Variants in NSUN6 observed in about 807,000 individuals in gnomAD.
NSUN6 encodes the protein NOP2/Sun RNA methyltransferase 6.
NSUN6 carries 64 observed loss-of-function variants against 58.0 expected under a neutral mutation model. That is an observed-to-expected ratio of 1.10 (90% CI 0.90 to 1.36). NSUN6 has a LOEUF of 1.36. Among genes scored for constraint, NSUN6 ranks in the 40% most tolerant of loss-of-function variants. The pLI, the probability that NSUN6 is intolerant of heterozygous loss-of-function variation, is 0.00. For missense variants in NSUN6, 701 were observed against 550.1 expected, an observed-to-expected ratio of 1.27 and a Z score of -2.74; for synonymous variants, 231 against 193.9, an observed-to-expected ratio of 1.19 and a Z score of -1.59.
At chr10:18,610,659 A>C (rs2058200695) in intron 5 of NSUN6, among the ~76,000 whole-genome samples, 1 of 152,166 alleles carries the variant, frequency 6.6e-6, no homozygotes, top group African/African-American at 2.4e-5. Flanking sequence ...CAGAGCAGGA[A>C]GGGCCAGGAC....
At chr10:18,597,701 G>C (rs1786600924) in intron 6 of NSUN6, among the ~76,000 whole-genome samples, 2 of 152,178 alleles carry the variant, frequency 1.3e-5, no homozygotes, top group South Asian at 4.1e-4. Flanking sequence ...AGGAGGTGGA[G>C]TTTGCAGTGA....
intron 8 of NSUN6, among the ~76,000 whole-genome samples, chr10:18,562,085 G>C (rs1225826823): frequency 2.0e-5 from 3 of 150,930 alleles, no homozygotes; most frequent in Non-Finnish European, 4.4e-5. Flanking sequence ...ATGAAGTGGA[G>C]AATGGAGTGG....
chr10:18,630,424 T>C (rs201792030), intron 3 of NSUN6, among the ~76,000 whole-genome samples: 1 of 151,138 alleles, frequency 6.6e-6, no homozygotes, highest in Admixed American at 6.6e-5. Flanking sequence ...CTGAAGGAAA[T>C]AGAGACACAA....
At chr10:18,630,527 AAGAG>A (rs1380851366) in intron 3 of NSUN6, among the ~76,000 whole-genome samples, 3 of 152,200 alleles carry the variant, frequency 2.0e-5, no homozygotes, top group Non-Finnish European at 4.4e-5. Context: ...TAAAGAAAAA[AAGAG>A]AGAAGAATCA....
chr10:18,627,266 A>C (rs1328089770), intron 3 of NSUN6, among the ~76,000 whole-genome samples: 1 of 152,240 alleles, frequency 6.6e-6, no homozygotes, highest in East Asian at 1.9e-4. Context: ...TACTGTTAAA[A>C]TTGTTTACTG....
intron 8 of NSUN6, among the ~76,000 whole-genome samples, chr10:18,571,452 C>T (rs1245651227): frequency 6.6e-6 from 1 of 150,776 alleles, no homozygotes; most frequent in East Asian, 2.0e-4. Flanking sequence ...AAACCATTCT[C>T]TATTCCATTC....
rs180886541 is a variant in NSUN6, at chr10:18,562,005, G to C, written c.923-10034C>G. 5.8e-4 allele frequency among the ~76,000 whole-genome samples: 87 copies of C among 151,018 alleles called. 1 individual carries two copies. The highest frequency in any genetic ancestry group is 2.4e-3 in the Admixed American group (36 of 15,074). On this transcript the variant is annotated intron_variant, in intron 8 of 10. Coordinates refer to ENST00000377304, the MANE Select transcript of NSUN6 (RefSeq NM_182543.5). ...GAAAAATGATATGGAATGGAGAATT[G>C]AAAGGAATGGATAATGGAATGGAAT...
intron 6 of NSUN6, among the ~76,000 whole-genome samples, chr10:18,598,431 C>T (rs1358144143): frequency 6.6e-6 from 1 of 152,194 alleles, no homozygotes; most frequent in East Asian, 1.9e-4. Flanking sequence ...ATAGTTTATC[C>T]AGCAAGCTCT....
intron 3 of NSUN6, among the ~76,000 whole-genome samples, chr10:18,638,860 G>T (rs1272404833): frequency 2.7e-5 from 4 of 147,264 alleles, no homozygotes; most frequent in Non-Finnish European, 5.9e-5. Context: ...TAAGAAATGA[G>T]AAACTGTGCC....
At chr10:18,601,546 T>C (rs2057839749) in intron 6 of NSUN6, among the ~76,000 whole-genome samples, 1 of 152,194 alleles carries the variant, frequency 6.6e-6, no homozygotes, top group African/African-American at 2.4e-5. Flanking sequence ...GACATAACAG[T>C]TATGAGCAGA....
chr10:18,553,163 CTCCAT>C (rs1024529289), intron 8 of NSUN6, among the ~76,000 whole-genome samples: 2 of 151,032 alleles, frequency 1.3e-5, no homozygotes, highest in African/African-American at 4.9e-5. Context: ...CCATTCCATT[CTCCAT>C]TCCATTCCAT....
At chr10:18,650,290 G>A (rs2059666308) in intron 1 of NSUN6, among the ~76,000 whole-genome samples, 1 of 151,502 alleles carries the variant, frequency 6.6e-6, no homozygotes, top group African/African-American at 2.4e-5. Flanking sequence ...GTTGCTTAGA[G>A]GCAGCATGGT....
At chr10:18,646,967 A>C (rs1472129953) in intron 2 of NSUN6, among the ~76,000 whole-genome samples, 1 of 152,206 alleles carries the variant, frequency 6.6e-6, no homozygotes, top group Non-Finnish European at 1.5e-5. Flanking sequence ...GCAACTACTT[A>C]TGTTTTATAC....
In NSUN6 at chr10:18,631,123, C is replaced by T. The variant is rs868534163; in HGVS notation, c.311+11353G>A. Among the ~76,000 whole-genome samples the T allele has an allele frequency of 2.6e-3, 398 of 152,272 alleles. 1 individual carries two copies. Among genetic ancestry groups the T allele is most frequent in the African/African-American group, 8.5e-3 (352 of 41,540 alleles). On this transcript the variant is annotated intron_variant, in intron 3 of 10. Coordinates refer to ENST00000377304, the MANE Select transcript of NSUN6 (RefSeq NM_182543.5). ...TATACCCAAATCAATAAATGTAATCCAGCATATAAACAGAACCAAAGACAA... is the reference window on the plus strand; with the variant it reads ...TATACCCAAATCAATAAATGTAATCTAGCATATAAACAGAACCAAAGACAA...
intron 8 of NSUN6, among the ~76,000 whole-genome samples, chr10:18,559,692 A>G (rs1179125949): frequency 6.6e-6 from 1 of 151,380 alleles, no homozygotes; most frequent in African/African-American, 2.4e-5. Context: ...ATGCATTGGA[A>G]TATGGAATGC....
chr10:18,578,249 T>TTTTG, intron 8 of NSUN6, among the ~76,000 whole-genome samples: 1 of 144,848 alleles, frequency 6.9e-6, no homozygotes, highest in African/African-American at 2.5e-5. Flanking sequence ...TTTTTTTTTT[T>TTTTG]TGAGATGGAG....
chr10:18,571,866 A>T (rs2056385665), intron 8 of NSUN6, among the ~76,000 whole-genome samples: 1 of 148,006 alleles, frequency 6.8e-6, no homozygotes, highest in Non-Finnish European at 1.5e-5. Flanking sequence ...TACATTTTCC[A>T]TTCCATTCTA....
At chr10:18,650,445 C>A (rs1292899925) in intron 1 of NSUN6, among the ~76,000 whole-genome samples, 1 of 152,174 alleles carries the variant, frequency 6.6e-6, no homozygotes, top group African/African-American at 2.4e-5. Context: ...CTAAAACAAC[C>A]TGGCAAGATA....
At chr10:18,614,652 T>C (rs1005492474) in intron 4 of NSUN6, 39 bp from the exon 5 acceptor site, 9 of 1,103,880 alleles carry the variant, frequency 8.2e-6, no homozygotes, top group Non-Finnish European at 1.1e-5. Context: ...TGATTTATAC[T>C]TTGGCAGAAG....
Sources: gnomAD v4.1 joint callset for allele counts (sites outside exome capture counted in the v4.1 genomes callset) on GRCh38, gnomAD v4.1.1 for gene constraint, MANE v1.5 for transcripts, NCBI Gene and HGNC (gene_info 2026-07-23, HGNC 2026-07-21) for gene names.